The following CDH13 variants were observed in gnomAD, a reference collection of about 807,000 sequenced individuals.
CDH13 encodes cadherin-13.
CDH13 carries 24 observed loss-of-function variants against 63.8 expected under a neutral mutation model. The ratio of observed to expected loss-of-function variants is 0.38; its 90% confidence interval spans 0.27 to 0.53. The LOEUF is 0.53. Ranked by LOEUF, CDH13 falls within the 20% of genes least tolerant of loss-of-function variation. CDH13 has a pLI of 0.85. For synonymous variants in CDH13, 503 were observed against 355.3 expected, an observed-to-expected ratio of 1.42 and a Z score of -4.67; for missense variants, 1,049 against 903.1, an observed-to-expected ratio of 1.16 and a Z score of -2.07.
Position 82,675,556 on chromosome 16 carries a change from G to A in CDH13, c.45+48419G>A, listed in dbSNP as rs16958140. 0.022 allele frequency among the ~76,000 whole-genome samples: 3,395 copies of A among 152,280 alleles called. 190 individuals carry two copies. The East Asian group carries it at 0.23, about 10-fold the overall frequency. ...CAGTTTCAAAGCTGCATGAAGTCACGTTTGCCTCATTACAATTCCTTTGGT... is the reference window on the plus strand; with the variant it reads ...CAGTTTCAAAGCTGCATGAAGTCACATTTGCCTCATTACAATTCCTTTGGT... On this transcript the variant is annotated intron_variant, in intron 1 of 13. Coordinates refer to ENST00000567109, the MANE Select transcript of CDH13 (RefSeq NM_001257.5).
intron 7 of CDH13, among the ~76,000 whole-genome samples, chr16:83,573,596 G>A (rs991154932): frequency 2.6e-5 from 4 of 152,182 alleles, no homozygotes; most frequent in African/African-American, 9.7e-5. Context: ...CCTATGCACA[G>A]TTGCCATAAT....
At chr16:83,004,878 T>C (rs1481851466) in intron 2 of CDH13, among the ~76,000 whole-genome samples, 2 of 152,164 alleles carry the variant, frequency 1.3e-5, no homozygotes, top group Non-Finnish European at 2.9e-5. Flanking sequence ...TGATTCCAAG[T>C]AGCATGGATG....
At chr16:83,096,171 T>G (rs999236160) in intron 3 of CDH13, among the ~76,000 whole-genome samples, 1 of 152,176 alleles carries the variant, frequency 6.6e-6, no homozygotes, top group Non-Finnish European at 1.5e-5. Flanking sequence ...CCAGCTATCA[T>G]TGCGTACCAG....
intron 3 of CDH13, among the ~76,000 whole-genome samples, chr16:83,081,134 G>A (rs935056750): frequency 6.6e-6 from 1 of 151,944 alleles, no homozygotes; most frequent in Non-Finnish European, 1.5e-5. Context: ...GCCCACCTCA[G>A]CCTCCCAAAA....
intron 1 of CDH13, among the ~76,000 whole-genome samples, chr16:82,857,119 C>A (rs2039735131): frequency 6.6e-6 from 1 of 152,202 alleles, no homozygotes; most frequent in African/African-American, 2.4e-5. Context: ...AGGACTCTGA[C>A]AGAGTTCCTT....
At chr16:83,436,196 C>G (rs2072296873) in intron 6 of CDH13, among the ~76,000 whole-genome samples, 2 of 152,194 alleles carry the variant, frequency 1.3e-5, no homozygotes, top group South Asian at 4.1e-4. Context: ...CAAATAAAAA[C>G]TATAGGGAAC....
intron 11 of CDH13, among the ~76,000 whole-genome samples, chr16:83,769,169 G>T (rs139430602): frequency 7.9e-5 from 12 of 152,330 alleles, no homozygotes; most frequent in African/African-American, 2.6e-4. Flanking sequence ...GGAAGCAGCT[G>T]TGTTCTCATG....
At chr16:82,951,050 G>T (rs1049909762) in intron 2 of CDH13, among the ~76,000 whole-genome samples, 1 of 152,166 alleles carries the variant, frequency 6.6e-6, no homozygotes, top group African/African-American at 2.4e-5. Context: ...TATTGGTCCA[G>T]TTGAGCCCAG....
intron 7 of CDH13, among the ~76,000 whole-genome samples, chr16:83,523,354 A>G (rs1401106223): frequency 6.6e-6 from 1 of 152,232 alleles, no homozygotes; most frequent in Non-Finnish European, 1.5e-5. Context: ...TTGGTTGAAC[A>G]TGATTTCCTA....
intron 6 of CDH13, among the ~76,000 whole-genome samples, chr16:83,397,106 C>T (rs1567643766): frequency 6.6e-6 from 1 of 152,140 alleles, no homozygotes; most frequent in African/African-American, 2.4e-5. Context: ...CCCCCTTACC[C>T]CCACTCCCCA....
At chr16:83,278,436 G>T (rs992566732) in intron 5 of CDH13, among the ~76,000 whole-genome samples, 3 of 152,192 alleles carry the variant, frequency 2.0e-5, no homozygotes, top group Non-Finnish European at 2.9e-5. Flanking sequence ...AAGGTTTAAT[G>T]AATGGCTTGG....
chr16:82,638,051 G>C (rs562892430), intron 1 of CDH13, among the ~76,000 whole-genome samples: 34 of 152,330 alleles, frequency 2.2e-4, no homozygotes, highest in Admixed American at 4.6e-4. Flanking sequence ...ATCCATTGAA[G>C]GGAGAAGAGG....
intron 1 of CDH13, among the ~76,000 whole-genome samples, chr16:82,770,666 T>A (rs950398657): frequency 6.6e-6 from 1 of 152,208 alleles, no homozygotes; most frequent in African/African-American, 2.4e-5. Flanking sequence ...CATTTGGAGA[T>A]ACATATTTTA....
chr16:82,792,716 C>G (rs906379146), intron 1 of CDH13, among the ~76,000 whole-genome samples: 2 of 152,194 alleles, frequency 1.3e-5, no homozygotes, highest in African/African-American at 2.4e-5. Context: ...TTATTTATTT[C>G]TTGTGTTCCT....
chr16:82,760,401 G>A (rs1396003770), intron 1 of CDH13, among the ~76,000 whole-genome samples: 2 of 152,164 alleles, frequency 1.3e-5, no homozygotes, highest in Non-Finnish European at 2.9e-5. Context: ...TGCATCTAGT[G>A]TAAAATTCAC....
chr16:83,545,956 A>G (rs982778299), intron 7 of CDH13, among the ~76,000 whole-genome samples: 5 of 152,218 alleles, frequency 3.3e-5, no homozygotes, highest in Admixed American at 6.5e-5. Flanking sequence ...GAGGTGAACA[A>G]GAAAGCATAG....
intron 2 of CDH13, among the ~76,000 whole-genome samples, chr16:82,999,184 C>A (rs906923517): frequency 6.6e-6 from 1 of 152,100 alleles, no homozygotes; most frequent in Non-Finnish European, 1.5e-5. Flanking sequence ...TTCCATTTAG[C>A]CCTCTTTTCT....
chr16:83,482,518 A>T (rs1051369468), intron 6 of CDH13, among the ~76,000 whole-genome samples: 1 of 152,174 alleles, frequency 6.6e-6, no homozygotes, highest in Non-Finnish European at 1.5e-5. Context: ...TTCTCGACTG[A>T]ATCTATGGAG....
intron 2 of CDH13, among the ~76,000 whole-genome samples, chr16:82,987,955 G>GCC (rs1465003294): frequency 6.6e-6 from 1 of 152,158 alleles, no homozygotes; most frequent in Non-Finnish European, 1.5e-5. Flanking sequence ...AGTCAACAGT[G>GCC]CCTCGTCTCA....
Sources: gnomAD v4.1 joint callset for allele counts (sites outside exome capture counted in the v4.1 genomes callset) on GRCh38, gnomAD v4.1.1 for gene constraint, MANE v1.5 for transcripts, NCBI Gene and HGNC (gene_info 2026-07-23, HGNC 2026-07-21) for gene names.